USP24: variants seen among roughly 807,000 people sequenced by gnomAD.
USP24 encodes the protein ubiquitin specific peptidase 24.
USP24 carries 97 observed loss-of-function variants against 361.6 expected under a neutral mutation model. The ratio of observed to expected loss-of-function variants is 0.27; its 90% confidence interval spans 0.23 to 0.32. The LOEUF is 0.32. USP24 is among the 10% of genes least tolerant of loss of function. The pLI, the probability that USP24 is intolerant of heterozygous loss-of-function variation, is 1.00. For missense variants in USP24, 2,353 were observed against 3,165.6 expected, an observed-to-expected ratio of 0.74 and a Z score of 6.16; for synonymous variants, 1,098 against 1,124.6, an observed-to-expected ratio of 0.98 and a Z score of 0.47.
intron 42 of USP24, among the ~76,000 whole-genome samples, chr1:55,102,669 T>G (rs938152346): frequency 5.9e-5 from 9 of 152,050 alleles, no homozygotes; most frequent in African/African-American, 2.2e-4. Context: ...GAAATTTATT[T>G]GTAGTCCAAA....
At chr1:55,151,888 A>G (rs1647203640) in intron 16 of USP24, 1 of 985,626 alleles carries the variant, frequency 1.0e-6, no homozygotes, top group Non-Finnish European at 1.2e-6. Context: ...GGAGGGGAGT[A>G]AGAAGTGGGT....
chr1:55,089,693 T>C lies in USP24; in HGVS notation c.6602A>G (p.Lys2201Arg). 3 of 1,605,392 alleles carry C rather than the reference T, an allele frequency of 1.9e-6. No homozygotes were observed. The highest frequency in any genetic ancestry group is 2.6e-6 in the Non-Finnish European group (3 of 1,175,354). ...TAACCACTGACAAGCATCAAAACTT[T>C]TTGAAAGCAATGCTTCAATGGTAGC... Reference protein sequence around the residue: ...WIATIEALLSKSFDACQWLVE... With the variant: ...WIATIEALLSRSFDACQWLVE... Residue 2201 changes from lysine to arginine, a missense_variant, in exon 55 of 68, where the codon AAA becomes AGA. Transcript: ENST00000294383.
At chr1:55,069,419 C>T (rs1379948385) in intron 67 of USP24, among the ~76,000 whole-genome samples, 1 of 152,240 alleles carries the variant, frequency 6.6e-6, no homozygotes, top group African/African-American at 2.4e-5. Context: ...GGCCATTGTG[C>T]CCGCTTCACG....
intron 51 of USP24, among the ~76,000 whole-genome samples, chr1:55,094,747 C>T (rs1389262171): frequency 6.6e-6 from 1 of 150,538 alleles, no homozygotes; most frequent in African/African-American, 2.4e-5. Context: ...GCCTATAATC[C>T]CAGCACTTTG....
chr1:55,121,938 G>A (rs944762507), intron 36 of USP24, among the ~76,000 whole-genome samples: 1 of 152,132 alleles, frequency 6.6e-6, no homozygotes, highest in African/African-American at 2.4e-5. Flanking sequence ...AAACAGCTAA[G>A]GGTAGGATTA....
rs545857350 is a variant in USP24 at position 55,178,694 on chromosome 1, A to C, written c.325-562T>G. On this transcript the variant is annotated intron_variant, in intron 1 of 67. Transcript: ENST00000294383. ...CCGTCTCAAAATAAATAAATAAATA[A>C]ATAAATAAATAAATAAATAAATAAA... Among the ~76,000 whole-genome samples the C allele has an allele frequency of 4.1e-5, 5 of 122,504 alleles. No individual in the cohort carries two copies. The East Asian group carries it at 1.1e-3, about 28-fold the overall frequency. 80.4% of individuals were successfully genotyped at this position (122,504 alleles called of 152,430 possible). A position where few individuals can be genotyped will look rare whatever the true frequency, so the allele number is the denominator to read the frequency against.
chr1:55,164,370 G>A (rs1288770757), intron 7 of USP24, among the ~76,000 whole-genome samples: 2 of 151,952 alleles, frequency 1.3e-5, no homozygotes, highest in East Asian at 3.9e-4. Context: ...TTCATTTCTT[G>A]TTTTGTATAG....
chr1:55,122,231 A>AT (rs1306273881), intron 36 of USP24, among the ~76,000 whole-genome samples: 1 of 152,164 alleles, frequency 6.6e-6, no homozygotes, highest in Admixed American at 6.5e-5. Context: ...GAGCACTGTA[A>AT]TTTTTTTATA....
At position 55,073,015 on chromosome 1, in the gene USP24, G is replaced by C. The variant is rs756777896; in HGVS notation, c.7527-154C>G. ...GGTTCCTAGAGTAGTCAAATTCATG[G>C]AGACAGAAATTACAATTGCTTCCCC... is the stretch of plus-strand genomic sequence containing the variant. On this transcript the variant is annotated intron_variant, in intron 64 of 67. Coordinates refer to ENST00000294383, the MANE Select transcript of USP24 (RefSeq NM_015306.3). 1.2e-4 allele frequency: 81 copies of C among 699,590 alleles called. No individual in the cohort carries two copies. In the Middle Eastern group the frequency reaches 2.9e-3, roughly 25 times the overall value. 43.3% of individuals were successfully genotyped at this position (699,590 alleles called of 1,614,324 possible).
At chr1:55,166,069 C>G in intron 6 of USP24, 119 bp from the exon 7 acceptor site, 1 of 776,746 alleles carries the variant, frequency 1.3e-6, no homozygotes, top group South Asian at 2.7e-5. Context: ...TGTTTTGATA[C>G]AGGCATACAA....
At chr1:55,107,150 C>T in intron 40 of USP24, 89 bp downstream of exon 40, 1 of 1,429,828 alleles carries the variant, frequency 7.0e-7, no homozygotes, top group Non-Finnish European at 9.4e-7. Flanking sequence ...GAACACTTGG[C>T]ATCTATCTTA....
intron 38 of USP24, among the ~76,000 whole-genome samples, chr1:55,111,325 GTA>G (rs1645944836): frequency 6.6e-6 from 1 of 152,018 alleles, no homozygotes; most frequent in Non-Finnish European, 1.5e-5. Context: ...TTCTTTAAGA[GTA>G]TATGTTAAAA....
chr1:55,101,447 C>T (rs1279783483), intron 43 of USP24, 137 bp downstream of exon 43: 15 of 1,190,844 alleles, frequency 1.3e-5, no homozygotes, highest in Admixed American at 7.9e-5. Flanking sequence ...TGTCTTTACA[C>T]ATTTCAGGAG....
intron 55 of USP24, chr1:55,086,241 C>T: frequency 1.7e-6 from 1 of 591,698 alleles, no homozygotes; most frequent in Non-Finnish European, 3.0e-6. Context: ...CCAGCCAAGG[C>T]TCTGTTCAAA....
chr1:55,128,905 A>G (rs1646514673), intron 32 of USP24, among the ~76,000 whole-genome samples: 1 of 151,706 alleles, frequency 6.6e-6, no homozygotes. Flanking sequence ...TTTTTAGTAG[A>G]CATGAGGTCT....
chr1:55,199,216 G>C (rs1434924091), intron 1 of USP24, among the ~76,000 whole-genome samples: 4 of 152,144 alleles, frequency 2.6e-5, no homozygotes, highest in African/African-American at 4.8e-5. Flanking sequence ...TTGAACCCGG[G>C]AGGTGGAGGT....
rs1228653874 is a variant in USP24, at chr1:55,214,950, G to C, written c.164C>G (p.Pro55Arg). The C allele has an allele frequency of 7.0e-7, 1 of 1,419,690 alleles. No homozygotes were observed. The highest frequency in any genetic ancestry group is 3.2e-5 in the East Asian group (1 of 31,722). 87.9% of individuals were successfully genotyped at this position (1,419,690 alleles called of 1,614,324 possible). A position where few individuals can be genotyped will look rare whatever the true frequency, so the allele number is the denominator to read the frequency against. Residue 55 changes from proline (P) to arginine (R), a missense_variant, in exon 1 of 68, where the codon CCC becomes CGC. Physicochemically the swap from Pro to Arg is moderately radical, Grantham distance 103. Transcript: ENST00000294383. ...RPGLDYGGYEPMDSGGGPSPG... is the reference protein window; with the variant it reads ...RPGLDYGGYERMDSGGGPSPG... ...GCTGGGGCCACCGCCGCTGTCCATG[G>C]GCTCGTAGCCGCCGTAGTCGAGGCC...
chr1:55,182,305 G>A (rs1643997195), intron 1 of USP24, among the ~76,000 whole-genome samples: 1 of 152,120 alleles, frequency 6.6e-6, no homozygotes, highest in Non-Finnish European at 1.5e-5. Context: ...TGCCCACCTT[G>A]GCCTCCCAAA....
chr1:55,215,302 G>A lies in USP24; in HGVS notation c.-189C>T, dbSNP rs1042867167. 2.0e-5 allele frequency among the ~76,000 whole-genome samples: 3 copies of A among 151,766 alleles called. No homozygotes were observed. The highest frequency in any genetic ancestry group is 4.8e-5 in the African/African-American group (2 of 41,382). On this transcript the variant is annotated 5_prime_UTR_variant, in exon 1 of 68. Transcript: ENST00000294383. Reference sequence around the variant, plus strand: ...TGGGTCCTGCGAGCCGAGCTAGTGCGGTGAGGCGCTCAGGCGCGGCTGCGG... The same window carrying A: ...TGGGTCCTGCGAGCCGAGCTAGTGCAGTGAGGCGCTCAGGCGCGGCTGCGG...
Sources: allele counts gnomAD v4.1 joint callset (sites outside exome capture counted in the v4.1 genomes callset), GRCh38; gene constraint gnomAD v4.1.1; transcripts MANE v1.5; gene names NCBI Gene and HGNC (gene_info 2026-07-23, HGNC 2026-07-21).